Variants in KLF12 observed in about 807,000 individuals in gnomAD.
The protein encoded by KLF12 is Krueppel-like factor 12.
Under a neutral mutation model 37.8 loss-of-function variants are expected in KLF12, and 9 were observed. That is an observed-to-expected ratio of 0.24 (90% confidence interval 0.14 to 0.42). The LOEUF is 0.42. KLF12 is among the 10% of genes least tolerant of loss of function. The probability of loss-of-function intolerance (pLI) is 1.00; values close to 1 mark genes in which losing one functional copy is unlikely to be tolerated. For synonymous variants in KLF12, 208 were observed against 202.1 expected (o/e 1.03, Z -0.25); for missense variants, 411 against 516.0 (o/e 0.80, Z 1.97).
At chr13:73,734,195 T>C (rs922764058) in intron 6 of KLF12, among the ~76,000 whole-genome samples, 2 of 152,194 alleles carry the variant, frequency 1.3e-5, no homozygotes, top group African/African-American at 4.8e-5. Context: ...CATCTTTAGA[T>C]GTCACATCTG....
chr13:74,061,550 A>T (rs1286198164), intron 1 of KLF12, among the ~76,000 whole-genome samples: 4 of 151,734 alleles, frequency 2.6e-5, no homozygotes, highest in East Asian at 1.9e-4. Context: ...GACCACAGAT[A>T]AAAAAAACAC....
chr13:73,752,265 G>A (rs1423330720), intron 6 of KLF12, among the ~76,000 whole-genome samples: 1 of 152,160 alleles, frequency 6.6e-6, no homozygotes, highest in Non-Finnish European at 1.5e-5. Context: ...TTACAGGCAT[G>A]AGCCATCATG....
the KLF12 span, among the ~76,000 whole-genome samples, chr13:74,249,894 G>A: frequency 6.6e-6 from 1 of 152,164 alleles, no homozygotes; most frequent in African/African-American, 2.4e-5. Context: ...AGGGCAGCAG[G>A]TGGGAACTGT....
intron 6 of KLF12, among the ~76,000 whole-genome samples, chr13:73,736,790 A>G (rs1299091364): frequency 6.6e-6 from 1 of 152,190 alleles, no homozygotes; most frequent in Non-Finnish European, 1.5e-5. Context: ...AGGTTTATTC[A>G]AAGGGCAGGT....
chr13:73,861,169 G>A (rs1411797788), intron 3 of KLF12, among the ~76,000 whole-genome samples: 1 of 151,820 alleles, frequency 6.6e-6, no homozygotes, highest in Non-Finnish European at 1.5e-5. Context: ...ATTTTTTTCT[G>A]TCAATCGGGG....
intron 6 of KLF12, 105 bp from the exon 7 acceptor site, chr13:73,715,630 A>G (rs1468415306): frequency 1.8e-6 from 2 of 1,130,282 alleles, no homozygotes; most frequent in African/African-American, 3.1e-5. Context: ...CACAGACTCA[A>G]GGCCACCATG....
chr13:74,222,986 G>C, the KLF12 span, among the ~76,000 whole-genome samples: 3 of 152,134 alleles, frequency 2.0e-5, no homozygotes, highest in East Asian at 5.8e-4. Context: ...AAAAGAAATT[G>C]CTAACCCTTG....
At chr13:73,857,455 T>A (rs1311990073) in intron 3 of KLF12, among the ~76,000 whole-genome samples, 2 of 152,200 alleles carry the variant, frequency 1.3e-5, no homozygotes, top group African/African-American at 4.8e-5. Flanking sequence ...AATTTATATA[T>A]TTTTGTATAA....
At chr13:73,886,280 A>G (rs1205704557) in intron 3 of KLF12, among the ~76,000 whole-genome samples, 1 of 152,244 alleles carries the variant, frequency 6.6e-6, no homozygotes, top group Admixed American at 6.5e-5. Flanking sequence ...AGCATGGAGT[A>G]CAGATAATTT....
In KLF12 at chr13:73,752,837, C is replaced by T. The variant is rs572400951; in HGVS notation, c.869+12101G>A. On this transcript the variant is annotated intron_variant, in intron 6 of 7. Coordinates refer to ENST00000377669, the MANE Select transcript of KLF12 (RefSeq NM_007249.5). ...GTTCAAGCAATTCTCCTGCCTCAGC[C>T]TCCTAGGTAGCTGGGATTACAGGTG... is the stretch of plus-strand genomic sequence containing the variant. Among the ~76,000 whole-genome samples, 177 of 151,958 alleles carry T rather than the reference C, an allele frequency of 1.2e-3. 4 individuals are homozygous for T. Among genetic ancestry groups the T allele is most frequent in the Admixed American group, 0.01 (154 of 15,254 alleles).
the KLF12 span, among the ~76,000 whole-genome samples, chr13:74,292,986 A>G: frequency 2.6e-5 from 4 of 152,200 alleles, no homozygotes; most frequent in Non-Finnish European, 5.9e-5. Flanking sequence ...GAAGACAGCA[A>G]TAGGAACTCT....
intron 3 of KLF12, among the ~76,000 whole-genome samples, chr13:73,880,788 T>A (rs577269549): frequency 3.3e-5 from 5 of 152,360 alleles, no homozygotes; most frequent in South Asian, 4.1e-4. Flanking sequence ...ATTTGTTTTT[T>A]AAATAAATAA....
chr13:74,130,065 G>A (rs1348226728), intron 1 of KLF12, among the ~76,000 whole-genome samples: 1 of 152,188 alleles, frequency 6.6e-6, no homozygotes, highest in Admixed American at 6.5e-5. Context: ...TTGACCTTCT[G>A]GGCATAGGGC....
the KLF12 span, among the ~76,000 whole-genome samples, chr13:74,201,599 A>G: frequency 6.6e-6 from 1 of 152,238 alleles, no homozygotes; most frequent in East Asian, 1.9e-4. Flanking sequence ...ATATCACTGG[A>G]TCTAAAGTTA....
chr13:74,237,349 G>T, the KLF12 span, among the ~76,000 whole-genome samples: 12,851 of 87,298 alleles, frequency 0.15, no homozygotes, highest in East Asian at 0.3. Flanking sequence ...CCGTAGCCTT[G>T]TAGTATAGTT....
chr13:74,220,573 A>G, the KLF12 span, among the ~76,000 whole-genome samples: 1 of 152,224 alleles, frequency 6.6e-6, no homozygotes, highest in Non-Finnish European at 1.5e-5. Flanking sequence ...TTTCAAATGT[A>G]CAGTATAATG....
At chr13:74,000,537 A>T (rs1188075663) in intron 1 of KLF12, among the ~76,000 whole-genome samples, 1 of 152,196 alleles carries the variant, frequency 6.6e-6, no homozygotes, top group Non-Finnish European at 1.5e-5. Context: ...TGTTTCCTTG[A>T]AATTACGCTT....
At chr13:73,835,633 T>C (rs1471993645) in intron 4 of KLF12, among the ~76,000 whole-genome samples, 2 of 152,010 alleles carry the variant, frequency 1.3e-5, no homozygotes, top group Admixed American at 6.6e-5. Context: ...AGAGATGCAG[T>C]GGGGTCTCTC....
At chr13:74,248,854 C>T in the KLF12 span, among the ~76,000 whole-genome samples, 7 of 151,706 alleles carry the variant, frequency 4.6e-5, no homozygotes, top group African/African-American at 9.7e-5. Flanking sequence ...AGCCAAGGAG[C>T]GCTTCTGATG....
Sources: gnomAD v4.1 joint callset for allele counts (sites outside exome capture counted in the v4.1 genomes callset) on GRCh38, gnomAD v4.1.1 for gene constraint, MANE v1.5 for transcripts, NCBI Gene and HGNC (gene_info 2026-07-23, HGNC 2026-07-21) for gene names.